Variants in STK39 observed in about 807,000 individuals in gnomAD.
STK39 encodes the protein STE20/SPS1-related proline-alanine-rich protein kinase.
STK39 carries 20 observed loss-of-function variants against 77.8 expected under a neutral mutation model. The observed-to-expected ratio is 0.26, with a 90% CI of 0.18 to 0.37. The LOEUF (loss-of-function observed/expected upper bound fraction) is 0.37, where lower values mean the gene tolerates loss of function less well. STK39 is among the 10% of genes least tolerant of loss of function. The pLI is 1.00. For missense variants in STK39, 479 were observed against 656.5 expected, an observed-to-expected ratio of 0.73 and a Z score of 2.95; for synonymous variants, 246 against 234.1, an observed-to-expected ratio of 1.05 and a Z score of -0.47.
chr2:168,216,089 C>G (rs1412689689), intron 1 of STK39, among the ~76,000 whole-genome samples: 1 of 152,086 alleles, frequency 6.6e-6, no homozygotes, highest in African/African-American at 2.4e-5. Context: ...TGAGGAGAAA[C>G]CTCACATTGG....
intron 10 of STK39, among the ~76,000 whole-genome samples, chr2:168,127,351 A>G (rs969788252): frequency 2.0e-5 from 3 of 152,140 alleles, no homozygotes; most frequent in African/African-American, 7.2e-5. Context: ...GGGTTTCACC[A>G]CATTGGCCGG....
intron 10 of STK39, among the ~76,000 whole-genome samples, chr2:168,117,819 T>C (rs1687297820): frequency 6.6e-6 from 1 of 152,258 alleles, no homozygotes; most frequent in African/African-American, 2.4e-5. Flanking sequence ...AGTGATCCCT[T>C]ACCTCCAAGT....
chr2:168,246,560 G>A (rs899809778), intron 1 of STK39, among the ~76,000 whole-genome samples: 32 of 152,318 alleles, frequency 2.1e-4, no homozygotes, highest in African/African-American at 7.2e-4. Context: ...GCGGCAGGCG[G>A]CGCACCCTGG....
chr2:168,167,543 C>T, intron 2 of STK39, 136 bp from the exon 3 acceptor site: 1 of 679,300 alleles, frequency 1.5e-6, no homozygotes, highest in Non-Finnish European at 2.5e-6. Flanking sequence ...GCCATTACTT[C>T]AAAGAAGGTA....
chr2:168,199,865 A>G (rs564901871), intron 1 of STK39, among the ~76,000 whole-genome samples: 5 of 152,316 alleles, frequency 3.3e-5, no homozygotes, highest in Admixed American at 1.3e-4. Context: ...CAAGGCTTAC[A>G]TTGAAAAAAG....
chr2:168,100,391 T>C (rs567630272), intron 10 of STK39, among the ~76,000 whole-genome samples: 1 of 152,318 alleles, frequency 6.6e-6, no homozygotes, highest in Admixed American at 6.5e-5. Flanking sequence ...TACGTCATTT[T>C]ACCTCTCTGA....
chr2:168,086,927 G>A (rs1686383402), intron 10 of STK39, among the ~76,000 whole-genome samples: 1 of 152,154 alleles, frequency 6.6e-6, no homozygotes, highest in African/African-American at 2.4e-5. Context: ...CCCCAAGTGA[G>A]GGCAACAAAG....
At position 168,084,233 on chromosome 2, in the gene STK39, G is replaced by A. The variant is rs74612648; in HGVS notation, c.1090-9002C>T. Reference sequence around the variant, plus strand: ...TCTGGATTTCTGAAAGCAGAGCAGAGGATGTGCTAGGACTTGAGGATAACA... The same window carrying A: ...TCTGGATTTCTGAAAGCAGAGCAGAAGATGTGCTAGGACTTGAGGATAACA... On this transcript the variant is annotated intron_variant, in intron 10 of 17. Coordinates refer to ENST00000355999, the MANE Select transcript of STK39 (RefSeq NM_013233.3). 5.6e-4 allele frequency among the ~76,000 whole-genome samples: 86 copies of A among 152,280 alleles called. No homozygotes were observed. In the East Asian group the frequency reaches 0.014, roughly 25 times the overall value.
At chr2:168,233,965 T>C (rs1690528509) in intron 1 of STK39, among the ~76,000 whole-genome samples, 1 of 152,212 alleles carries the variant, frequency 6.6e-6, no homozygotes, top group Admixed American at 6.5e-5. Flanking sequence ...TTCAAAACTA[T>C]TTTCCTAAGT....
At chr2:168,142,298 T>G (rs980763852) in intron 5 of STK39, among the ~76,000 whole-genome samples, 1 of 152,120 alleles carries the variant, frequency 6.6e-6, no homozygotes, top group Non-Finnish European at 1.5e-5. Flanking sequence ...ATATATATGA[T>G]AAAACTTTGA....
chr2:168,157,460 G>C (rs1167923216), intron 5 of STK39, among the ~76,000 whole-genome samples: 1 of 152,126 alleles, frequency 6.6e-6, no homozygotes, highest in Admixed American at 6.5e-5. Flanking sequence ...AAATACCTTA[G>C]ACTGGGTGAC....
intron 1 of STK39, among the ~76,000 whole-genome samples, chr2:168,190,763 T>C (rs983134349): frequency 6.6e-6 from 1 of 152,186 alleles, no homozygotes; most frequent in African/African-American, 2.4e-5. Flanking sequence ...CTGACTTTTA[T>C]AGTCAGTAAA....
chr2:168,108,178 G>C (rs1687028890), intron 10 of STK39, among the ~76,000 whole-genome samples: 1 of 152,156 alleles, frequency 6.6e-6, no homozygotes, highest in African/African-American at 2.4e-5. Context: ...AGCACAGTTT[G>C]GGAGATGTCT....
intron 10 of STK39, among the ~76,000 whole-genome samples, chr2:168,122,443 G>A (rs764375140): frequency 1.3e-5 from 2 of 151,902 alleles, no homozygotes; most frequent in Non-Finnish European, 2.9e-5. Context: ...TGTCATTTTG[G>A]GTTTGATTTT....
intron 10 of STK39, among the ~76,000 whole-genome samples, chr2:168,095,623 CTTTT>C (rs567675524): frequency 1.7e-5 from 2 of 116,072 alleles, no homozygotes; most frequent in African/African-American, 3.5e-5. Flanking sequence ...GTATCTCTTT[CTTTT>C]TTTTTTTTTT....
intron 10 of STK39, among the ~76,000 whole-genome samples, chr2:168,091,091 T>C (rs1686509002): frequency 6.6e-6 from 1 of 152,002 alleles, no homozygotes; most frequent in Non-Finnish European, 1.5e-5. Context: ...CTCATTTCAC[T>C]ATCATGCTGT....
At chr2:168,240,265 G>A (rs1414235653) in intron 1 of STK39, among the ~76,000 whole-genome samples, 2 of 152,194 alleles carry the variant, frequency 1.3e-5, no homozygotes, top group Admixed American at 6.5e-5. Flanking sequence ...CTTAAACACT[G>A]TGCTTCAAAT....
At chr2:168,067,407 C>A (rs1055507016) in intron 12 of STK39, among the ~76,000 whole-genome samples, 5 of 152,176 alleles carry the variant, frequency 3.3e-5, no homozygotes, top group Admixed American at 6.5e-5. Context: ...CCCACTCTCT[C>A]TGTTGCTCCT....
chr2:167,975,882 A>G (rs186815755), intron 16 of STK39, among the ~76,000 whole-genome samples: 21 of 152,326 alleles, frequency 1.4e-4, no homozygotes, highest in African/African-American at 4.3e-4. Flanking sequence ...TGGTCATGAT[A>G]GGAAAAAGGC....
Sources: allele counts gnomAD v4.1 joint callset (sites outside exome capture counted in the v4.1 genomes callset), GRCh38; gene constraint gnomAD v4.1.1; transcripts MANE v1.5; gene names NCBI Gene and HGNC (gene_info 2026-07-23, HGNC 2026-07-21).